Variants in CSRNP3 observed in about 807,000 individuals in gnomAD.
CSRNP3 encodes the protein cysteine and serine rich nuclear protein 3.
CSRNP3 carries 12 observed loss-of-function variants against 48.0 expected under a neutral mutation model. The ratio of observed to expected loss-of-function variants is 0.25; its 90% CI spans 0.16 to 0.41. The LOEUF (loss-of-function observed/expected upper bound fraction) is 0.41. Ranked by LOEUF, CSRNP3 falls within the 10% of genes least tolerant of loss-of-function variation. The probability of loss-of-function intolerance (pLI) is 1.00; values close to 1 mark genes in which losing one functional copy is unlikely to be tolerated. For missense variants in CSRNP3, 580 were observed against 724.4 expected (o/e 0.80, Z 2.29); for synonymous variants, 263 against 269.7 (o/e 0.98, Z 0.24).
chr2:165,509,990 T>C (rs114381835), intron 2 of CSRNP3, among the ~76,000 whole-genome samples: 2,412 of 152,298 alleles, frequency 0.016, 60 homozygotes, highest in African/African-American at 0.054. Context: ...TGATGTTTTC[T>C]AATGATTAGA....
intron 3 of CSRNP3, among the ~76,000 whole-genome samples, chr2:165,530,760 A>G (rs1399644825): frequency 1.3e-5 from 2 of 152,078 alleles, no homozygotes; most frequent in African/African-American, 2.4e-5. Flanking sequence ...TCAAGCCAAA[A>G]TAAATATCTA....
rs1430615319 is a variant in CSRNP3 at position 165,508,651 on chromosome 2, A to G, written c.-112-9222A>G. On this transcript the variant is annotated intron_variant, in intron 2 of 6. Coordinates refer to ENST00000651982, the MANE Select transcript of CSRNP3 (RefSeq NM_001172173.2). ...AGAGGAATTTTTAGTCAAAAAATGG[A>G]TTATATTTTCTCTGAGGGTTTTCTG... Among the ~76,000 whole-genome samples, 7 of 152,260 alleles carry G rather than the reference A, an allele frequency of 4.6e-5. No homozygotes were observed. In the East Asian group the frequency reaches 1.2e-3, roughly 25 times the overall value.
chr2:165,595,337 A>G (rs1289686030), intron 4 of CSRNP3, 124 bp downstream of exon 4: 5 of 871,516 alleles, frequency 5.7e-6, no homozygotes, highest in African/African-American at 1.7e-5. Context: ...TACAAAGAAC[A>G]CTTACCCAAA....
At chr2:165,534,410 A>G (rs1684855455) in intron 3 of CSRNP3, among the ~76,000 whole-genome samples, 1 of 151,992 alleles carries the variant, frequency 6.6e-6, no homozygotes, top group South Asian at 2.1e-4. Flanking sequence ...ATTCTTTTAT[A>G]TATTACTGGT....
chr2:165,516,174 C>A (rs1282783551), intron 2 of CSRNP3, among the ~76,000 whole-genome samples: 1 of 151,930 alleles, frequency 6.6e-6, no homozygotes, highest in Non-Finnish European at 1.5e-5. Context: ...TGTATGCTTG[C>A]TTGCTGCTTG....
intron 3 of CSRNP3, among the ~76,000 whole-genome samples, chr2:165,587,602 GA>G (rs1251292604): frequency 5.3e-5 from 8 of 152,236 alleles, no homozygotes; most frequent in African/African-American, 1.9e-4. Flanking sequence ...GAGCTCCAGA[GA>G]AGGAATTTTT....
At chr2:165,580,117 A>C (rs1278611215) in intron 3 of CSRNP3, among the ~76,000 whole-genome samples, 2 of 151,634 alleles carry the variant, frequency 1.3e-5, no homozygotes, top group Non-Finnish European at 2.9e-5. Flanking sequence ...TTTAGTAGAG[A>C]CAGGGTTTCA....
chr2:165,680,633 T>A lies in CSRNP3; in HGVS notation c.*880T>A, dbSNP rs1380736166. On this transcript the variant is annotated 3_prime_UTR_variant, in exon 7 of 7. Coordinates refer to ENST00000651982, the MANE Select transcript of CSRNP3 (RefSeq NM_001172173.2). ...CCCCCTACATCAAAATGCACTTTAG[T>A]GCCCCTTCACGGTACCTCGTGTGGG... is the stretch of plus-strand genomic sequence containing the variant. 6.6e-6 allele frequency: 1 copy of A among 152,494 alleles called. No individual in the cohort carries two copies. Among genetic ancestry groups the A allele is most frequent in the Non-Finnish European group, 1.5e-5 (1 of 68,022 alleles). The allele number at this position is 152,494 out of a possible 1,614,324, so 9.4% of individuals were successfully genotyped here.
chr2:165,632,934 C>T (rs1457310138), intron 4 of CSRNP3, among the ~76,000 whole-genome samples: 1 of 152,170 alleles, frequency 6.6e-6, no homozygotes, highest in Non-Finnish European at 1.5e-5. Context: ...ACACTTAGCA[C>T]TGTGGTAGAC....
intron 4 of CSRNP3, among the ~76,000 whole-genome samples, chr2:165,617,507 T>C (rs1686267550): frequency 6.6e-6 from 1 of 152,170 alleles, no homozygotes; most frequent in African/African-American, 2.4e-5. Flanking sequence ...CTGGAGACTG[T>C]GGTGCCAGGC....
chr2:165,627,823 C>T (rs1292924109), intron 4 of CSRNP3, among the ~76,000 whole-genome samples: 1 of 152,136 alleles, frequency 6.6e-6, no homozygotes, highest in Non-Finnish European at 1.5e-5. Flanking sequence ...GCATTTTTCT[C>T]ATTCATGAAT....
chr2:165,584,080 T>A (rs1440685255), intron 3 of CSRNP3, among the ~76,000 whole-genome samples: 1 of 152,220 alleles, frequency 6.6e-6, no homozygotes, highest in Non-Finnish European at 1.5e-5. Flanking sequence ...GGGTTTGTGA[T>A]AAAGGATTAA....
chr2:165,644,466 A>G (rs577230767), intron 4 of CSRNP3, among the ~76,000 whole-genome samples: 1 of 152,278 alleles, frequency 6.6e-6, no homozygotes, highest in African/African-American at 2.4e-5. Flanking sequence ...CCATTGTTTA[A>G]TTATTCATTC....
intron 3 of CSRNP3, among the ~76,000 whole-genome samples, chr2:165,536,168 A>C (rs1033071896): frequency 4.6e-5 from 7 of 151,910 alleles, no homozygotes; most frequent in African/African-American, 1.4e-4. Context: ...TATTGTCAAC[A>C]CAACTGTTCT....
At position 165,678,830 on chromosome 2, in the gene CSRNP3, A is replaced by G; in HGVS notation, c.835A>G (p.Lys279Glu). The change falls in exon 7 of 7, where the codon AAA becomes GAA. Residue 279 changes from lysine to glutamate, a missense_variant. Transcript: ENST00000651982. ...CACAATAATGAAACTTGAACTGGAG[A>G]AAAACCGAGAGCAGCAAATCCCCAC... is the stretch of plus-strand genomic sequence containing the variant. ...LHTIMKLELE[K>E]NREQQIPTLN... 7 of 1,614,070 alleles carry G rather than the reference A, an allele frequency of 4.3e-6. No individual in the cohort carries two copies. Among genetic ancestry groups the G allele is most frequent in the Non-Finnish European group, 5.9e-6 (7 of 1,179,998 alleles).
intron 3 of CSRNP3, among the ~76,000 whole-genome samples, chr2:165,532,045 T>G (rs1217758670): frequency 2.0e-5 from 3 of 152,008 alleles, no homozygotes; most frequent in Non-Finnish European, 4.4e-5. Context: ...AATAACAGGC[T>G]CTGAAATTGA....
intron 2 of CSRNP3, among the ~76,000 whole-genome samples, chr2:165,516,105 C>A (rs1684579523): frequency 6.6e-6 from 1 of 152,070 alleles, no homozygotes; most frequent in Non-Finnish European, 1.5e-5. Context: ...TGTGCCCGGC[C>A]ACAAATATTT....
rs1177331513 is a variant in CSRNP3, at chr2:165,686,734, G to T, written c.*6981G>T. 6.6e-6 allele frequency: 1 copy of T among 151,994 alleles called. No homozygotes were observed. Among genetic ancestry groups the T allele is most frequent in the Non-Finnish European group, 1.5e-5 (1 of 67,970 alleles). 9.4% of individuals were successfully genotyped at this position (151,994 alleles called of 1,614,324 possible). ...TTCATTTGTGTCTCAAACAAATAAA[G>T]CCCACTGCCATGGGTTACCATCTGA... On this transcript the variant is annotated 3_prime_UTR_variant, in exon 7 of 7. Transcript: ENST00000651982.
intron 3 of CSRNP3, among the ~76,000 whole-genome samples, chr2:165,569,552 A>T (rs1685341357): frequency 6.6e-6 from 1 of 152,066 alleles, no homozygotes; most frequent in Admixed American, 6.6e-5. Flanking sequence ...AGTTGACATA[A>T]TTTTTTTCCA....
Sources: allele counts gnomAD v4.1 joint callset (sites outside exome capture counted in the v4.1 genomes callset), GRCh38; gene constraint gnomAD v4.1.1; transcripts MANE v1.5; gene names NCBI Gene and HGNC (gene_info 2026-07-23, HGNC 2026-07-21).